The following SLC4A10 variants were observed in gnomAD, a reference collection of about 807,000 sequenced individuals.
SLC4A10 encodes the protein solute carrier family 4 member 10.
SLC4A10 carries 42 observed loss-of-function variants against 137.7 expected under a neutral mutation model. The observed-to-expected ratio is 0.30, with a 90% CI of 0.24 to 0.39. The LOEUF (loss-of-function observed/expected upper bound fraction) is 0.39. SLC4A10 is among the 10% of genes least tolerant of loss of function. The probability of loss-of-function intolerance (pLI) is 1.00; values close to 1 mark genes in which losing one functional copy is unlikely to be tolerated. For missense variants in SLC4A10, 925 were observed against 1,355.0 expected, an observed-to-expected ratio of 0.68 and a Z score of 4.98; for synonymous variants, 474 against 464.1, an observed-to-expected ratio of 1.02 and a Z score of -0.27.
At position 161,969,919 on chromosome 2, in the gene SLC4A10, C is replaced by A. The variant is rs370651642; in HGVS notation, c.3160-4330C>A. Among the ~76,000 whole-genome samples, 5 of 152,272 alleles carry A rather than the reference C, an allele frequency of 3.3e-5. No homozygotes were observed. The East Asian group carries it at 9.6e-4, about 29-fold the overall frequency. The stretch of plus-strand genomic sequence containing the variant: ...TTTCTAGCTGAATCTTAGAGTGGGG[C>A]AAGCATATTCTTCTTCCATAAGCAG... On this transcript the variant is annotated intron_variant, in intron 23 of 26. Transcript: ENST00000446997.
chr2:161,690,993 C>A (rs187300336), intron 1 of SLC4A10, among the ~76,000 whole-genome samples: 1 of 151,546 alleles, frequency 6.6e-6, no homozygotes, highest in Admixed American at 6.6e-5. Flanking sequence ...TGGTGATAAC[C>A]AAATTATGAC....
At chr2:161,946,067 C>T (rs561794548) in intron 16 of SLC4A10, among the ~76,000 whole-genome samples, 2 of 152,006 alleles carry the variant, frequency 1.3e-5, no homozygotes, top group South Asian at 2.1e-4. Flanking sequence ...ATTTTTGCCA[C>T]CTTATCTATT....
intron 1 of SLC4A10, among the ~76,000 whole-genome samples, chr2:161,751,025 A>G (rs930516325): frequency 2.6e-5 from 4 of 151,804 alleles, no homozygotes; most frequent in African/African-American, 9.7e-5. Context: ...TGAAATAAGT[A>G]TAGCTACTCC....
rs527896889 is a variant in SLC4A10 at position 161,956,217 on chromosome 2, C to T, written c.2542-772C>T. ...CAACTAATTTAATTATCACAACAGCCCAGTGAGGTGCCTTCTACTATCATC... is the reference window on the plus strand; with the variant it reads ...CAACTAATTTAATTATCACAACAGCTCAGTGAGGTGCCTTCTACTATCATC... On this transcript the variant is annotated intron_variant, in intron 19 of 26. Coordinates refer to ENST00000446997, the MANE Select transcript of SLC4A10 (RefSeq NM_001178015.2). Among the ~76,000 whole-genome samples, 37 of 152,144 alleles carry T rather than the reference C, an allele frequency of 2.4e-4. 1 individual carries two copies. The South Asian group carries it at 7.5e-3, about 31-fold the overall frequency.
At chr2:161,879,598 A>T (rs113795282) in intron 9 of SLC4A10, among the ~76,000 whole-genome samples, 2,457 of 129,978 alleles carry the variant, frequency 0.019, 39 homozygotes, top group Middle Eastern at 0.036. Context: ...GTAACATGTT[A>T]GCTTTTTCTC....
At chr2:161,651,091 T>G (rs555110948) in intron 1 of SLC4A10, 2 of 152,626 alleles carry the variant, frequency 1.3e-5, no homozygotes, top group African/African-American at 4.8e-5. Flanking sequence ...ACTTCCTCCC[T>G]TCTGAGCCCA....
intron 1 of SLC4A10, among the ~76,000 whole-genome samples, chr2:161,737,866 G>C (rs2047503042): frequency 6.6e-6 from 1 of 152,088 alleles, no homozygotes; most frequent in African/African-American, 2.4e-5. Flanking sequence ...AAACATGCAA[G>C]GAAAAGAAAC....
At chr2:161,945,737 A>G (rs995075336) in intron 16 of SLC4A10, among the ~76,000 whole-genome samples, 1 of 151,946 alleles carries the variant, frequency 6.6e-6, no homozygotes, top group Non-Finnish European at 1.5e-5. Context: ...CCTCCCAAAG[A>G]GAAAATAAAT....
intron 3 of SLC4A10, among the ~76,000 whole-genome samples, chr2:161,817,734 G>A (rs1470068581): frequency 6.6e-6 from 1 of 152,048 alleles, no homozygotes; most frequent in Non-Finnish European, 1.5e-5. Context: ...TATTAAATAG[G>A]GAATTCTTTC....
intron 2 of SLC4A10, among the ~76,000 whole-genome samples, chr2:161,781,817 G>A (rs1039736876): frequency 2.0e-5 from 3 of 152,026 alleles, no homozygotes; most frequent in Non-Finnish European, 4.4e-5. Flanking sequence ...TGCACCCTGG[G>A]TGAATGCAAA....
chr2:161,948,651 C>G (rs1489447742), intron 17 of SLC4A10, among the ~76,000 whole-genome samples: 2 of 152,216 alleles, frequency 1.3e-5, no homozygotes, highest in East Asian at 3.9e-4. Context: ...TTTGCCCACT[C>G]TGTTGTGTAC....
intron 12 of SLC4A10, among the ~76,000 whole-genome samples, chr2:161,901,403 T>A (rs1022804087): frequency 5.3e-5 from 8 of 152,112 alleles, no homozygotes; most frequent in Non-Finnish European, 7.4e-5. Flanking sequence ...GCAAGTAGGA[T>A]GTATATAGTG....
chr2:161,909,305 G>A (rs542506708), intron 15 of SLC4A10, among the ~76,000 whole-genome samples: 1 of 152,172 alleles, frequency 6.6e-6, no homozygotes, highest in South Asian at 2.1e-4. Context: ...TTCCATCTCT[G>A]TTTTTTAAAA....
chr2:161,757,623 A>G (rs1357004311), intron 1 of SLC4A10, among the ~76,000 whole-genome samples: 1 of 152,170 alleles, frequency 6.6e-6, no homozygotes, highest in African/African-American at 2.4e-5. Flanking sequence ...TAAATAAGTA[A>G]GTGTCAGAAC....
intron 2 of SLC4A10, among the ~76,000 whole-genome samples, chr2:161,774,999 G>A (rs894441471): frequency 2.0e-5 from 3 of 152,016 alleles, no homozygotes; most frequent in Admixed American, 2.0e-4. Flanking sequence ...AACTATTGTA[G>A]TGGCTTAGGG....
intron 3 of SLC4A10, among the ~76,000 whole-genome samples, chr2:161,811,862 T>C (rs1184970781): frequency 6.6e-6 from 1 of 152,084 alleles, no homozygotes; most frequent in Non-Finnish European, 1.5e-5. Flanking sequence ...TCTAATTTAA[T>C]TGACCTCTTC....
At chr2:161,885,416 G>A (rs1260659435) in intron 10 of SLC4A10, among the ~76,000 whole-genome samples, 1 of 152,124 alleles carries the variant, frequency 6.6e-6, no homozygotes, top group Non-Finnish European at 1.5e-5. Context: ...ATTGAGCTAA[G>A]TTCTGTTTTC....
intron 3 of SLC4A10, 117 bp from the exon 4 acceptor site, chr2:161,839,672 G>T: frequency 1.9e-6 from 2 of 1,068,122 alleles, no homozygotes; most frequent in East Asian, 5.0e-5. Context: ...GAGCAGGGGA[G>T]GTGTGAGCTT....
At chr2:161,940,793 A>C (rs1167464050) in intron 15 of SLC4A10, among the ~76,000 whole-genome samples, 1 of 152,214 alleles carries the variant, frequency 6.6e-6, no homozygotes. Flanking sequence ...CTCCTGGGTC[A>C]GAACAAACCT....
Sources: allele counts gnomAD v4.1 joint callset (sites outside exome capture counted in the v4.1 genomes callset), GRCh38; gene constraint gnomAD v4.1.1; transcripts MANE v1.5; gene names NCBI Gene and HGNC (gene_info 2026-07-23, HGNC 2026-07-21).